CSMD1: variants seen among roughly 807,000 people sequenced by gnomAD.
CSMD1 encodes the protein CUB and Sushi multiple domains 1.
A neutral mutation model predicts 417.5 loss-of-function variants in CSMD1; 213 were observed. That is an observed-to-expected ratio of 0.51 (90% CI 0.46 to 0.57). CSMD1 has a LOEUF of 0.57. Among genes scored for constraint, CSMD1 ranks in the 20% least tolerant of loss-of-function variants. The pLI is 0.00. For missense variants in CSMD1, 6,923 were observed against 4,529.7 expected (o/e 1.53, Z -15.17); for synonymous variants, 2,862 against 1,736.8 (o/e 1.65, Z -16.11).
intron 11 of CSMD1, among the ~76,000 whole-genome samples, chr8:3,471,312 T>C (rs73174857): frequency 0.13 from 20,506 of 152,210 alleles, 1,426 homozygotes; most frequent in East Asian, 0.23. Flanking sequence ...TCCTTTTAAA[T>C]ACTGAAAACT....
At chr8:3,219,502 G>C (rs766046397) in intron 28 of CSMD1, 60 bp from the exon 29 acceptor site, 2 of 1,215,672 alleles carry the variant, frequency 1.6e-6, no homozygotes, top group Non-Finnish European at 2.2e-6. Context: ...TCCCAGAGTG[G>C]TAAGCCTTTG....
chr8:2,982,467 C>T (rs920256574), intron 54 of CSMD1, among the ~76,000 whole-genome samples: 1 of 152,180 alleles, frequency 6.6e-6, no homozygotes, highest in Non-Finnish European at 1.5e-5. Flanking sequence ...CCAGTAATGT[C>T]CCCATTCTCA....
chr8:3,616,826 G>C, intron 7 of CSMD1, 29 bp from the exon 8 acceptor site: 1 of 1,484,396 alleles, frequency 6.7e-7, no homozygotes, highest in East Asian at 2.3e-5. Flanking sequence ...TTGTCAAAAT[G>C]CTGTATAGTT....
chr8:3,396,336 C>T lies in CSMD1; in HGVS notation c.2451G>A (p.Gly817=), dbSNP rs1563344712. The T allele has an allele frequency of 6.2e-7, 1 of 1,606,118 alleles. No individual in the cohort carries two copies. Among genetic ancestry groups the T allele is most frequent in the South Asian group, 1.1e-5 (1 of 89,196 alleles). ...VNYDTLEVRD[G]PASSSPLIGE... is the part of the protein sequence containing the mutation. ...CGATCAGTGGGGACGAACTGGCTGG[C>T]CCATCTCTGACCTCCAAGGTGTCAT... The change falls in exon 17 of 70, where the codon GGG becomes GGA. Residue 817 remains glycine (G), a synonymous_variant. Coordinates refer to ENST00000635120, the MANE Select transcript of CSMD1 (RefSeq NM_033225.6).
chr8:3,556,392 A>ATATATATATATAT (rs1554468279), intron 10 of CSMD1, among the ~76,000 whole-genome samples: 4,025 of 120,300 alleles, frequency 0.033, 212 homozygotes, highest in South Asian at 0.065. Context: ...TATAATAATT[A>ATATATATATATAT]ATATATATAT....
chr8:4,196,194 G>C (rs962119404), intron 3 of CSMD1, among the ~76,000 whole-genome samples: 1 of 152,112 alleles, frequency 6.6e-6, no homozygotes, highest in African/African-American at 2.4e-5. Context: ...CTGGGCGACG[G>C]AGCAAGACTC....
At chr8:4,466,404 C>CA (rs907083917) in intron 2 of CSMD1, among the ~76,000 whole-genome samples, 24 of 151,270 alleles carry the variant, frequency 1.6e-4, no homozygotes, top group South Asian at 8.4e-4. Flanking sequence ...AAAACAAAGC[C>CA]AAAAAAAACA....
At position 3,660,633 on chromosome 8, in the gene CSMD1, A is replaced by G. The variant is rs1585034013; in HGVS notation, c.1010-43836T>C. Among the ~76,000 whole-genome samples, 3 of 150,754 alleles carry G rather than the reference A, an allele frequency of 2.0e-5. No homozygotes were observed. In the South Asian group the frequency reaches 6.3e-4, roughly 32 times the overall value. ...CCTCCCAGGTTCAAGCGATTCTCCT[A>G]CCTCAGCCTCCTGAGTAGCTGGGAT... On this transcript the variant is annotated intron_variant, in intron 7 of 69. Transcript: ENST00000635120.
intron 5 of CSMD1, among the ~76,000 whole-genome samples, chr8:3,832,594 AAC>A (rs1261533125): frequency 2.0e-5 from 3 of 152,208 alleles, no homozygotes; most frequent in Non-Finnish European, 2.9e-5. Context: ...AAACAGAAAT[AAC>A]ACAGCAATGA....
At chr8:3,709,709 T>TTTTTTTTTTTTTTTTC (rs1554518391) in intron 6 of CSMD1, among the ~76,000 whole-genome samples, 1 of 129,584 alleles carries the variant, frequency 7.7e-6, no homozygotes, top group African/African-American at 2.9e-5. Context: ...TTTTTTTTTT[T>TTTTTTTTTTTTTTTTC]CCCTGCTTTC....
intron 41 of CSMD1, among the ~76,000 whole-genome samples, chr8:3,138,070 A>T (rs998647035): frequency 2.0e-5 from 3 of 146,434 alleles, no homozygotes; most frequent in Non-Finnish European, 2.9e-5. Flanking sequence ...TACTAAAAAT[A>T]AAAAAATTAG....
intron 4 of CSMD1, among the ~76,000 whole-genome samples, chr8:4,024,348 C>T (rs1796951228): frequency 6.6e-6 from 1 of 152,094 alleles, no homozygotes. Flanking sequence ...ATGGTTAAAT[C>T]TTATGGATTC....
chr8:3,049,465 T>C (rs1350868944), intron 50 of CSMD1, among the ~76,000 whole-genome samples: 1 of 151,990 alleles, frequency 6.6e-6, no homozygotes, highest in Non-Finnish European at 1.5e-5. Flanking sequence ...TATTACTAAG[T>C]GAAAGAAGCC....
chr8:3,573,951 A>G (rs576099878), intron 10 of CSMD1, among the ~76,000 whole-genome samples: 2 of 152,232 alleles, frequency 1.3e-5, no homozygotes, highest in East Asian at 3.9e-4. Context: ...AAGCATCTAT[A>G]TTGAACTTAA....
At chr8:4,042,424 C>G (rs150377752) in intron 3 of CSMD1, among the ~76,000 whole-genome samples, 1,800 of 152,112 alleles carry the variant, frequency 0.012, 37 homozygotes, top group African/African-American at 0.041. Flanking sequence ...GCAAAACAAC[C>G]ATCAATCTAA....
At chr8:4,522,160 T>C (rs1481732143) in intron 2 of CSMD1, among the ~76,000 whole-genome samples, 1 of 152,132 alleles carries the variant, frequency 6.6e-6, no homozygotes, top group Non-Finnish European at 1.5e-5. Flanking sequence ...TCCTGGGCTG[T>C]TCTCGTGATA....
chr8:3,089,929 C>A (rs1042213369), intron 48 of CSMD1, among the ~76,000 whole-genome samples: 1 of 152,174 alleles, frequency 6.6e-6, no homozygotes, highest in African/African-American at 2.4e-5. Context: ...CTAAGAATTT[C>A]TCTGCAGGTA....
chr8:3,970,077 G>A (rs146144601), intron 5 of CSMD1, among the ~76,000 whole-genome samples: 112 of 152,280 alleles, frequency 7.4e-4, no homozygotes, highest in African/African-American at 2.6e-3. Flanking sequence ...TATGTTAGGT[G>A]CTGCTCTAAA....
intron 30 of CSMD1, among the ~76,000 whole-genome samples, chr8:3,212,380 G>T (rs1043000707): frequency 6.6e-6 from 1 of 152,016 alleles, no homozygotes; most frequent in Non-Finnish European, 1.5e-5. Context: ...TTCCTCTGTC[G>T]ATCTGTTGCC....
Sources: gnomAD v4.1 joint callset for allele counts (sites outside exome capture counted in the v4.1 genomes callset) on GRCh38, gnomAD v4.1.1 for gene constraint, MANE v1.5 for transcripts, NCBI Gene and HGNC (gene_info 2026-07-23, HGNC 2026-07-21) for gene names.